The following PPP2R3A variants were observed in gnomAD, a reference collection of about 807,000 sequenced individuals.
PPP2R3A encodes the protein serine/threonine-protein phosphatase 2A regulatory subunit B'' subunit alpha.
A neutral mutation model predicts 106.9 loss-of-function variants in PPP2R3A; 80 were observed. That is an observed-to-expected ratio of 0.75 (90% confidence interval 0.62 to 0.90). The LOEUF is 0.90. Ranked by LOEUF, PPP2R3A falls within the 40% of genes least tolerant of loss-of-function variation. PPP2R3A has a pLI of 0.00. For missense variants in PPP2R3A, 1,386 were observed against 1,350.4 expected, an observed-to-expected ratio of 1.03 and a Z score of -0.41; for synonymous variants, 483 against 468.3, an observed-to-expected ratio of 1.03 and a Z score of -0.41.
At chr3:135,993,286 AT>A (rs1424845955) in intron 1 of PPP2R3A, among the ~76,000 whole-genome samples, 1 of 152,182 alleles carries the variant, frequency 6.6e-6, no homozygotes, top group African/African-American at 2.4e-5. Flanking sequence ...ATATATATGA[AT>A]TTTTAATAAG....
At chr3:136,075,068 GTATT>G (rs1398814502) in intron 6 of PPP2R3A, among the ~76,000 whole-genome samples, 1 of 152,094 alleles carries the variant, frequency 6.6e-6, no homozygotes, top group Non-Finnish European at 1.5e-5. Flanking sequence ...TTCTATGTCT[GTATT>G]TAATTCATTT....
At chr3:136,027,866 G>A (rs1307743718) in intron 3 of PPP2R3A, among the ~76,000 whole-genome samples, 4 of 152,216 alleles carry the variant, frequency 2.6e-5, no homozygotes, top group African/African-American at 4.8e-5. Flanking sequence ...GCTAAGGGCT[G>A]CATGGAGGCA....
intron 13 of PPP2R3A, among the ~76,000 whole-genome samples, chr3:136,122,041 T>A (rs775300209): frequency 5.3e-5 from 8 of 152,212 alleles, no homozygotes; most frequent in Non-Finnish European, 1.0e-4. Context: ...AATTACGATC[T>A]TTTTAGAACC....
intron 4 of PPP2R3A, among the ~76,000 whole-genome samples, chr3:136,044,576 A>C (rs1935407793): frequency 1.1e-5 from 1 of 88,156 alleles, no homozygotes; most frequent in Admixed American, 1.0e-4. Context: ...GTCTCAAAAA[A>C]AAAAAAAAAA....
chr3:136,110,266 C>T (rs531942723), intron 13 of PPP2R3A, among the ~76,000 whole-genome samples: 2 of 152,056 alleles, frequency 1.3e-5, no homozygotes, highest in Non-Finnish European at 2.9e-5. Flanking sequence ...AATGGAAGAA[C>T]TTATACCCTT....
intron 13 of PPP2R3A, among the ~76,000 whole-genome samples, chr3:136,134,752 TA>T (rs1441000281): frequency 7.1e-6 from 1 of 139,972 alleles, no homozygotes; most frequent in Non-Finnish European, 1.6e-5. Flanking sequence ...GGGAAAAAAT[TA>T]TTTTTCTCCT....
At chr3:136,114,402 A>G (rs1420243982) in intron 13 of PPP2R3A, among the ~76,000 whole-genome samples, 1 of 151,462 alleles carries the variant, frequency 6.6e-6, no homozygotes, top group African/African-American at 2.4e-5. Context: ...TTTTCCCCAT[A>G]CCCCAGTGGT....
At chr3:136,140,883 G>T (rs969237570) in intron 13 of PPP2R3A, among the ~76,000 whole-genome samples, 8 of 152,310 alleles carry the variant, frequency 5.3e-5, no homozygotes, top group Admixed American at 5.2e-4. Context: ...GCCCTCCTGG[G>T]CGACAGAGCG....
In PPP2R3A at chr3:136,002,731, A is replaced by C; in HGVS notation, c.1233A>C (p.Leu411Phe). 6.2e-7 allele frequency: 1 copy of C among 1,612,958 alleles called. No individual in the cohort carries two copies. Among genetic ancestry groups the C allele is most frequent in the Non-Finnish European group, 8.5e-7 (1 of 1,179,620 alleles). ...TAGAAAATGTTTCTTCTGACGACTT[A>C]ATGGAAACTCTTTATATTGAAGAAG... Reference protein sequence around the residue: ...NPLENVSSDDLMETLYIEEES... With the variant: ...NPLENVSSDDFMETLYIEEES... The change falls in exon 2 of 14, where the codon TTA (leucine) becomes TTC (phenylalanine). Residue 411 changes from leucine (L) to phenylalanine (F), a missense_variant. By Grantham distance (22) the Leu-to-Phe change is conservative. Transcript: ENST00000264977.
chr3:136,114,241 G>A (rs1210684412), intron 13 of PPP2R3A, among the ~76,000 whole-genome samples: 1 of 152,198 alleles, frequency 6.6e-6, no homozygotes, highest in Non-Finnish European at 1.5e-5. Flanking sequence ...GCCAGATACT[G>A]TGCTTTTCCC....
At chr3:136,127,820 A>G (rs1050458278) in intron 13 of PPP2R3A, among the ~76,000 whole-genome samples, 6 of 152,212 alleles carry the variant, frequency 3.9e-5, no homozygotes, top group African/African-American at 1.4e-4. Flanking sequence ...ATCTCTTGGC[A>G]GAAACACTAC....
At position 136,001,192 on chromosome 3, in the gene PPP2R3A, TGAA is replaced by T; in HGVS notation, c.-303_-301del. ...GCAAATTTCCATGTTATAGAACTGT[TGAA>T]GAACTAAAAGAGGATATTCTTTCAT... On this transcript the variant is annotated 5_prime_UTR_variant, in exon 2 of 14. Coordinates refer to ENST00000264977, the MANE Select transcript of PPP2R3A (RefSeq NM_002718.5). The T allele has an allele frequency of 2.3e-6, 1 of 439,494 alleles. No individual in the cohort carries two copies. The highest frequency in any genetic ancestry group is 4.0e-6 in the Non-Finnish European group (1 of 251,456). The allele number at this position is 439,494 out of a possible 1,614,324, so 27.2% of individuals were successfully genotyped here. A position where few individuals can be genotyped will look rare whatever the true frequency, so the allele number is the denominator to read the frequency against.
Position 135,972,992 on chromosome 3 carries a change from A to G in PPP2R3A, c.-441+7143A>G, listed in dbSNP as rs149608777. 4.9e-3 allele frequency among the ~76,000 whole-genome samples: 739 copies of G among 152,306 alleles called. 3 individuals carry two copies. Among genetic ancestry groups the G allele is most frequent in the Non-Finnish European group, 8.6e-3 (587 of 68,026 alleles). ...TTTGATTGTGTATGCTTTTGGCATT[A>G]TATCTGACAATCTATCACCAAATCC... On this transcript the variant is annotated intron_variant, in intron 1 of 13. Transcript: ENST00000264977.
intron 5 of PPP2R3A, among the ~76,000 whole-genome samples, chr3:136,060,104 C>G (rs1296934529): frequency 6.6e-6 from 1 of 152,118 alleles, no homozygotes; most frequent in Non-Finnish European, 1.5e-5. Context: ...ACCTATGTAA[C>G]AAGTCAGCAC....
chr3:136,110,253 A>G (rs1034094355), intron 13 of PPP2R3A, among the ~76,000 whole-genome samples: 3 of 152,212 alleles, frequency 2.0e-5, no homozygotes, highest in African/African-American at 7.2e-5. Context: ...GAAATACTCA[A>G]CAAATGGAAG....
At chr3:136,005,368 A>G (rs1220477343) in intron 2 of PPP2R3A, among the ~76,000 whole-genome samples, 1 of 152,164 alleles carries the variant, frequency 6.6e-6, no homozygotes, top group African/African-American at 2.4e-5. Context: ...CTCAGTCTGT[A>G]TGTTTTGTGG....
chr3:136,046,756 A>G (rs1935484153), intron 4 of PPP2R3A, among the ~76,000 whole-genome samples: 1 of 152,220 alleles, frequency 6.6e-6, no homozygotes, highest in Non-Finnish European at 1.5e-5. Context: ...TTGTTAATCA[A>G]ATTAAAGCAG....
intron 10 of PPP2R3A, among the ~76,000 whole-genome samples, chr3:136,099,317 G>A (rs1208633686): frequency 6.6e-6 from 1 of 152,116 alleles, no homozygotes; most frequent in Non-Finnish European, 1.5e-5. Context: ...CTAGATACCT[G>A]AGTAAAGCCT....
At chr3:136,016,058 T>A (rs1934257375) in intron 2 of PPP2R3A, among the ~76,000 whole-genome samples, 1 of 152,224 alleles carries the variant, frequency 6.6e-6, no homozygotes, top group African/African-American at 2.4e-5. Flanking sequence ...AATTTCCATC[T>A]TGATTTCATT....
Sources: allele counts gnomAD v4.1 joint callset (sites outside exome capture counted in the v4.1 genomes callset), GRCh38; gene constraint gnomAD v4.1.1; transcripts MANE v1.5; gene names NCBI Gene and HGNC (gene_info 2026-07-23, HGNC 2026-07-21).